Variants in BNC2 observed in about 807,000 individuals in gnomAD.
BNC2 encodes the protein zinc finger protein basonuclin-2.
In BNC2, 20 loss-of-function variants were observed where a neutral mutation model predicts 76.3. The ratio of observed to expected loss-of-function variants is 0.26; its 90% CI spans 0.18 to 0.38. BNC2 has a LOEUF of 0.38. Among genes scored for constraint, BNC2 ranks in the 10% least tolerant of loss-of-function variants. The pLI, the probability that BNC2 is intolerant of heterozygous loss-of-function variation, is 1.00. For synonymous variants in BNC2, 582 were observed against 514.8 expected (o/e 1.13, Z -1.77); for missense variants, 1,382 against 1,399.8 (o/e 0.99, Z 0.20).
intron 5 of BNC2, among the ~76,000 whole-genome samples, chr9:16,513,480 G>A (rs983930430): frequency 6.6e-6 from 1 of 151,734 alleles, no homozygotes; most frequent in East Asian, 2.0e-4. Context: ...CTAATTTTTT[G>A]TATTTTTAGT....
chr9:16,734,410 CTTG>C (rs1402631891), intron 2 of BNC2, among the ~76,000 whole-genome samples: 3 of 151,164 alleles, frequency 2.0e-5, no homozygotes, highest in Non-Finnish European at 2.9e-5. Context: ...AAGGAAAAAG[CTTG>C]TGTCATCTCT....
chr9:16,733,942 GCTC>G (rs1298149850), intron 2 of BNC2, among the ~76,000 whole-genome samples: 1 of 151,796 alleles, frequency 6.6e-6, no homozygotes, highest in Non-Finnish European at 1.5e-5. Context: ...TCTCCCACTG[GCTC>G]CTAATTTCCT....
intron 1 of BNC2, among the ~76,000 whole-genome samples, chr9:16,841,435 T>C (rs897256266): frequency 2.6e-5 from 4 of 152,184 alleles, no homozygotes; most frequent in Admixed American, 2.0e-4. Context: ...TTTGTAAAAA[T>C]GTTGTGAGGC....
At chr9:16,805,171 T>C (rs370631593) in intron 1 of BNC2, among the ~76,000 whole-genome samples, 2 of 152,098 alleles carry the variant, frequency 1.3e-5, no homozygotes, top group African/African-American at 2.4e-5. Flanking sequence ...ATGGACATAG[T>C]AGGGTTTGTC....
chr9:16,861,181 A>AATATATATATATATATAT lies in BNC2; in HGVS notation c.3+9447_3+9464dup, dbSNP rs71327866. On this transcript the variant is annotated intron_variant, in intron 1 of 6. Coordinates refer to ENST00000380672, the MANE Select transcript of BNC2 (RefSeq NM_017637.6). The stretch of plus-strand genomic sequence containing the variant: ...ACATGGTAATACCCTATCTCTACAA[A>AATATATATATATATATAT]ATATATATATATATATATATAAATT... Among the ~76,000 whole-genome samples the AATATATATATATATATAT allele has an allele frequency of 1.1e-3, 139 of 131,746 alleles. 6 individuals are homozygous for AATATATATATATATATAT. The highest frequency in any genetic ancestry group is 1.5e-3 in the African/African-American group (48 of 32,120). The allele number at this position is 131,746 out of a possible 152,430, so 86.4% of individuals were successfully genotyped here.
chr9:16,525,194 T>C (rs1817759950), intron 5 of BNC2, among the ~76,000 whole-genome samples: 1 of 152,062 alleles, frequency 6.6e-6, no homozygotes, highest in Non-Finnish European at 1.5e-5. Flanking sequence ...CTTGAAGATC[T>C]TTCTAAGCCA....
At chr9:16,515,614 C>G (rs1025402164) in intron 5 of BNC2, among the ~76,000 whole-genome samples, 2 of 151,612 alleles carry the variant, frequency 1.3e-5, no homozygotes, top group Non-Finnish European at 2.9e-5. Context: ...ATAAACACCA[C>G]AGCTGGCAAT....
intron 1 of BNC2, among the ~76,000 whole-genome samples, chr9:16,800,376 T>C (rs1275142012): frequency 6.7e-6 from 1 of 149,524 alleles, no homozygotes; most frequent in Non-Finnish European, 1.5e-5. Flanking sequence ...GCATAGTATA[T>C]AACCAAGGAG....
chr9:16,725,855 G>T (rs1402871572), intron 3 of BNC2, among the ~76,000 whole-genome samples: 1 of 152,144 alleles, frequency 6.6e-6, no homozygotes, highest in African/African-American at 2.4e-5. Flanking sequence ...TTGGAAATGG[G>T]CTAGTGCCAA....
At chr9:16,515,551 A>G (rs1488701801) in intron 5 of BNC2, among the ~76,000 whole-genome samples, 1 of 151,996 alleles carries the variant, frequency 6.6e-6, no homozygotes, top group Non-Finnish European at 1.5e-5. Context: ...ATCCCGTTAA[A>G]GATCTGACGC....
At chr9:16,493,111 T>TTC in intron 5 of BNC2, among the ~76,000 whole-genome samples, 1 of 152,142 alleles carries the variant, frequency 6.6e-6, no homozygotes, top group Non-Finnish European at 1.5e-5. Flanking sequence ...GCCACTTTGT[T>TTC]TTCACGTAAG....
At chr9:16,783,643 T>C (rs905193637) in intron 1 of BNC2, among the ~76,000 whole-genome samples, 4 of 152,246 alleles carry the variant, frequency 2.6e-5, no homozygotes, top group African/African-American at 9.6e-5. Context: ...CTTTACATTA[T>C]TGACTTAGCA....
chr9:16,799,327 A>G (rs1174062303), intron 1 of BNC2, among the ~76,000 whole-genome samples: 1 of 151,484 alleles, frequency 6.6e-6, no homozygotes, highest in African/African-American at 2.4e-5. Context: ...TTATTTATTT[A>G]TTTTTGATAT....
At chr9:16,648,012 ATC>A (rs916372939) in intron 3 of BNC2, among the ~76,000 whole-genome samples, 39 of 152,344 alleles carry the variant, frequency 2.6e-4, no homozygotes, top group African/African-American at 7.0e-4. Context: ...ACTGTAAAGT[ATC>A]TCTGAGACTG....
At position 16,437,021 on chromosome 9, in the gene BNC2, A is replaced by C; in HGVS notation, c.1173T>G (p.Thr391=). Residue 391 remains threonine (T), a synonymous_variant, in exon 6 of 7, where the codon ACT becomes ACG. Coordinates refer to ENST00000380672, the MANE Select transcript of BNC2 (RefSeq NM_017637.6). The stretch of plus-strand genomic sequence containing the variant: ...CTGGCTCGGTTTTGGGCTCCACATT[A>C]GTAATGCTGGTCAGGGCATTTCTAT... ...TPNRNALTSI[T]NVEPKTEPAC... is the part of the protein sequence containing the mutation. 6.2e-7 allele frequency: 1 copy of C among 1,614,164 alleles called. No individual in the cohort carries two copies.
chr9:16,869,859 C>G (rs1417441348), intron 1 of BNC2, among the ~76,000 whole-genome samples: 2 of 152,180 alleles, frequency 1.3e-5, no homozygotes, highest in Admixed American at 6.5e-5. Context: ...ACTCACTTCA[C>G]AGGAGATTTC....
chr9:16,419,134 A>C lies in BNC2; in HGVS notation c.3155T>G (p.Val1052Gly). 1 of 1,614,148 alleles carries C rather than the reference A, an allele frequency of 6.2e-7. No homozygotes were observed. ...KMYSNKGTLR[V>G]HYKTVHLREM... is the part of the protein sequence containing the mutation. ...TCTCAAATGCACAGTTTTGTAGTGC[A>C]CTCTCAGGGTCCCCTTGTTGCTGTA... The change falls in exon 7 of 7, where the codon GTG becomes GGG. Residue 1052 changes from valine (V) to glycine (G), a missense_variant. By Grantham distance (109) the Val-to-Gly change is moderately radical. Coordinates refer to ENST00000380672, the MANE Select transcript of BNC2 (RefSeq NM_017637.6).
intron 1 of BNC2, among the ~76,000 whole-genome samples, chr9:16,779,570 G>A (rs1020594944): frequency 6.6e-6 from 1 of 152,074 alleles, no homozygotes; most frequent in Non-Finnish European, 1.5e-5. Context: ...CACCCAAGCT[G>A]ATTTACATAT....
At chr9:16,550,214 C>A (rs1457666432) in intron 5 of BNC2, among the ~76,000 whole-genome samples, 1 of 152,106 alleles carries the variant, frequency 6.6e-6, no homozygotes, top group African/African-American at 2.4e-5. Context: ...GCTCTGAATG[C>A]GGCCCAACAC....
Sources: allele counts gnomAD v4.1 joint callset (sites outside exome capture counted in the v4.1 genomes callset), GRCh38; gene constraint gnomAD v4.1.1; transcripts MANE v1.5; gene names NCBI Gene and HGNC (gene_info 2026-07-23, HGNC 2026-07-21).